The following STIM1 variants were observed in gnomAD, a reference collection of about 807,000 sequenced individuals.
STIM1 encodes the protein stromal interaction molecule 1.
STIM1 carries 25 observed loss-of-function variants against 74.7 expected under a neutral mutation model. That is an observed-to-expected ratio of 0.33 (90% CI 0.24 to 0.47). The LOEUF (loss-of-function observed/expected upper bound fraction) is 0.47, where lower values mean the gene tolerates loss of function less well. STIM1 is among the 20% of genes least tolerant of loss of function. The probability of loss-of-function intolerance (pLI) is 1.00; values close to 1 mark genes in which losing one functional copy is unlikely to be tolerated. For synonymous variants in STIM1, 328 were observed against 348.8 expected, an observed-to-expected ratio of 0.94 and a Z score of 0.66; for missense variants, 728 against 920.8, an observed-to-expected ratio of 0.79 and a Z score of 2.71.
chr11:4,012,660 T>C (rs1401288095), intron 2 of STIM1, among the ~76,000 whole-genome samples: 1 of 152,218 alleles, frequency 6.6e-6, no homozygotes, highest in African/African-American at 2.4e-5. Flanking sequence ...TACAATCATG[T>C]CATCTGCAAA....
chr11:3,999,937 G>A (rs1454434071), intron 2 of STIM1, among the ~76,000 whole-genome samples: 1 of 152,172 alleles, frequency 6.6e-6, no homozygotes, highest in Non-Finnish European at 1.5e-5. Flanking sequence ...ATTATATCCT[G>A]CACCTGGCTC....
intron 3 of STIM1, among the ~76,000 whole-genome samples, chr11:4,039,315 G>A (rs905309252): frequency 1.3e-5 from 2 of 151,844 alleles, no homozygotes; most frequent in Admixed American, 6.6e-5. Context: ...GAAGCTGGGC[G>A]TGGTGGCTCA....
At chr11:4,008,352 T>C (rs2093803107) in intron 2 of STIM1, among the ~76,000 whole-genome samples, 1 of 152,196 alleles carries the variant, frequency 6.6e-6, no homozygotes, top group African/African-American at 2.4e-5. Context: ...ATCCCCATCA[T>C]ATGTCATAAG....
At chr11:3,995,079 T>C (rs913693338) in intron 2 of STIM1, among the ~76,000 whole-genome samples, 1 of 76,988 alleles carries the variant, frequency 1.3e-5, no homozygotes, top group Admixed American at 1.9e-4. Context: ...TCTTTAAAAA[T>C]CATGATTTTT....
At chr11:3,896,448 G>C (rs1346724270) in intron 1 of STIM1, among the ~76,000 whole-genome samples, 1 of 152,178 alleles carries the variant, frequency 6.6e-6, no homozygotes, top group African/African-American at 2.4e-5. Context: ...TTTGACTTCA[G>C]AACCCATGTC....
At chr11:3,886,067 T>A (rs2135349834) in intron 1 of STIM1, among the ~76,000 whole-genome samples, 1 of 152,360 alleles carries the variant, frequency 6.6e-6, no homozygotes, top group South Asian at 2.1e-4. Flanking sequence ...AGGATTGGCA[T>A]GGGTGAGTCA....
upstream of STIM1, chr11:3,855,013 A>T (rs983226248): frequency 1.3e-5 from 2 of 152,340 alleles, no homozygotes; most frequent in East Asian, 3.9e-4. Flanking sequence ...CCCTCCCAGG[A>T]GCGCCGAGTC....
At chr11:4,041,694 A>T (rs564889984) in intron 3 of STIM1, among the ~76,000 whole-genome samples, 1 of 151,838 alleles carries the variant, frequency 6.6e-6, no homozygotes, top group Non-Finnish European at 1.5e-5. Flanking sequence ...ACTCCAGGTG[A>T]TCCTCCCACC....
chr11:4,076,131 T>C (rs2094435709), intron 7 of STIM1, among the ~76,000 whole-genome samples: 2 of 152,166 alleles, frequency 1.3e-5, no homozygotes, highest in Non-Finnish European at 2.9e-5. Flanking sequence ...TTTTGCTTTA[T>C]TGTCTTTTGA....
At chr11:3,859,419 TGATACG>T (rs2090513047) in intron 1 of STIM1, among the ~76,000 whole-genome samples, 3 of 152,222 alleles carry the variant, frequency 2.0e-5, no homozygotes, top group African/African-American at 7.2e-5. Context: ...GAAGCTGGCC[TGATACG>T]GATGCTTGGA....
rs116465470 is a variant in STIM1 at position 3,874,787 on chromosome 11, G to T, written c.139+18378G>T. Among the ~76,000 whole-genome samples the T allele has an allele frequency of 6.9e-3, 1,058 of 152,262 alleles. 15 individuals carry two copies. The highest frequency in any genetic ancestry group is 0.023 in the African/African-American group (972 of 41,538). On this transcript the variant is annotated intron_variant, in intron 1 of 12. Coordinates refer to ENST00000526596, the MANE Select transcript of STIM1 (RefSeq NM_001382567.1). ...TGGTACTCAGGGTGTATTTGTTAAA[G>T]AACAGAATGAAGTTATAGTGCTGGA...
At chr11:3,971,522 C>G (rs919991029) in intron 2 of STIM1, among the ~76,000 whole-genome samples, 1 of 147,818 alleles carries the variant, frequency 6.8e-6, no homozygotes, top group Non-Finnish European at 1.5e-5. Flanking sequence ...GAGCAAGACT[C>G]TGTCTCAAAA....
chr11:3,894,166 A>T (rs2091984826), intron 1 of STIM1, among the ~76,000 whole-genome samples: 1 of 152,238 alleles, frequency 6.6e-6, no homozygotes, highest in African/African-American at 2.4e-5. Flanking sequence ...AGCACCAATT[A>T]TGACAGGAAC....
chr11:4,036,211 A>G (rs2094101096), intron 3 of STIM1, among the ~76,000 whole-genome samples: 1 of 152,054 alleles, frequency 6.6e-6, no homozygotes, highest in South Asian at 2.1e-4. Context: ...GGTGCATAGT[A>G]TTCCATGGTA....
intron 3 of STIM1, among the ~76,000 whole-genome samples, chr11:4,040,002 C>G (rs534388271): frequency 6.6e-6 from 1 of 152,216 alleles, no homozygotes; most frequent in South Asian, 2.1e-4. Context: ...CTCCTGACCT[C>G]ATGTGATCTG....
chr11:3,971,901 A>G (rs1229853277), intron 2 of STIM1, among the ~76,000 whole-genome samples: 2 of 152,204 alleles, frequency 1.3e-5, no homozygotes, highest in Non-Finnish European at 2.9e-5. Context: ...AAACATAAAA[A>G]CCACATGGGA....
chr11:3,901,122 C>T (rs752050290), intron 1 of STIM1, among the ~76,000 whole-genome samples: 4 of 152,024 alleles, frequency 2.6e-5, no homozygotes, highest in Admixed American at 6.5e-5. Context: ...ACCCAGGAGG[C>T]GGAGGCTGCA....
At chr11:4,000,638 A>G (rs1257033513) in intron 2 of STIM1, among the ~76,000 whole-genome samples, 1 of 152,152 alleles carries the variant, frequency 6.6e-6, no homozygotes, top group Admixed American at 6.5e-5. Context: ...GATAGGGAAA[A>G]AACAGAGCAG....
intron 1 of STIM1, among the ~76,000 whole-genome samples, chr11:3,921,530 G>A (rs557775609): frequency 1.3e-5 from 2 of 152,262 alleles, no homozygotes; most frequent in South Asian, 4.1e-4. Flanking sequence ...TTAGCACACT[G>A]GAGGCCTTGG....
Sources: gnomAD v4.1 joint callset for allele counts (sites outside exome capture counted in the v4.1 genomes callset) on GRCh38, gnomAD v4.1.1 for gene constraint, MANE v1.5 for transcripts, NCBI Gene and HGNC (gene_info 2026-07-23, HGNC 2026-07-21) for gene names.